LRP1B: variants seen among roughly 807,000 people sequenced by gnomAD.
LRP1B encodes the protein LDL receptor related protein 1B.
A neutral mutation model predicts 556.6 loss-of-function variants in LRP1B; 217 were observed. That is an observed-to-expected ratio of 0.39 (90% CI 0.35 to 0.44). The LOEUF (loss-of-function observed/expected upper bound fraction) is 0.44, where lower values mean the gene tolerates loss of function less well. Among genes scored for constraint, LRP1B ranks in the 20% least tolerant of loss-of-function variants. The pLI, the probability that LRP1B is intolerant of heterozygous loss-of-function variation, is 1.00. For missense variants in LRP1B, 5,053 were observed against 5,620.8 expected, an observed-to-expected ratio of 0.90 and a Z score of 3.23; for synonymous variants, 2,047 against 1,865.8, an observed-to-expected ratio of 1.10 and a Z score of -2.50.
intron 1 of LRP1B, among the ~76,000 whole-genome samples, chr2:141,869,616 C>T (rs915059502): frequency 3.3e-5 from 5 of 152,102 alleles, no homozygotes; most frequent in Non-Finnish European, 5.9e-5. Context: ...TGTTCCAATT[C>T]TCACCCAAAT....
chr2:141,441,692 T>A (rs1467644950), intron 3 of LRP1B, among the ~76,000 whole-genome samples: 1 of 152,162 alleles, frequency 6.6e-6, no homozygotes, highest in Non-Finnish European at 1.5e-5. Flanking sequence ...CATAGAATAA[T>A]TACCCAGGAA....
chr2:141,476,634 C>A (rs16846150), intron 3 of LRP1B, among the ~76,000 whole-genome samples: 9,089 of 152,110 alleles, frequency 0.06, 422 homozygotes, highest in African/African-American at 0.11. Context: ...TATAGAAAAT[C>A]ATTAATAATA....
intron 7 of LRP1B, among the ~76,000 whole-genome samples, chr2:141,169,718 C>G (rs904176812): frequency 1.1e-4 from 16 of 140,228 alleles, no homozygotes; most frequent in Middle Eastern, 3.8e-3. Flanking sequence ...AAGATTTAAA[C>G]ATGGAAATGG....
intron 67 of LRP1B, among the ~76,000 whole-genome samples, chr2:140,380,290 C>T (rs546625876): frequency 9.9e-5 from 15 of 151,992 alleles, no homozygotes; most frequent in African/African-American, 3.6e-4. Context: ...GCTTCCCATA[C>T]AATTGAGGAA....
At chr2:141,299,459 C>G (rs1367323756) in intron 3 of LRP1B, among the ~76,000 whole-genome samples, 1 of 152,064 alleles carries the variant, frequency 6.6e-6, no homozygotes, top group African/African-American at 2.4e-5. Flanking sequence ...AGAACTGGTA[C>G]TTGATATTAA....
rs191220003 is a variant in LRP1B at position 141,337,211 on chromosome 2, A to G, written c.344-82570T>C. On this transcript the variant is annotated intron_variant, in intron 3 of 90. Transcript: ENST00000389484. ...ATCTTTTCCACCATTTGATGTTATC[A>G]GATATTTTTTCTTACCTTAGCAAGC... 1.2e-4 allele frequency among the ~76,000 whole-genome samples: 19 copies of G among 152,310 alleles called. No individual in the cohort carries two copies. The East Asian group carries it at 3.5e-3, about 28-fold the overall frequency.
chr2:140,490,955 T>A lies in LRP1B; in HGVS notation c.9120+1653A>T, dbSNP rs533110085. Among the ~76,000 whole-genome samples, 7 of 152,252 alleles carry A rather than the reference T, an allele frequency of 4.6e-5. No homozygotes were observed. In the South Asian group the frequency reaches 1.5e-3, roughly 32 times the overall value. On this transcript the variant is annotated intron_variant, in intron 57 of 90. Transcript: ENST00000389484. The stretch of plus-strand genomic sequence containing the variant: ...TCATCCCCACTTAGGTACTAATGAC[T>A]GGCAACAGTCTAAAATGATACCACC...
chr2:141,834,563 C>T (rs943322982), intron 1 of LRP1B, among the ~76,000 whole-genome samples: 7 of 151,774 alleles, frequency 4.6e-5, no homozygotes, highest in South Asian at 2.1e-4. Context: ...GGAAAGCTAA[C>T]GAGTTCTGTT....
intron 6 of LRP1B, among the ~76,000 whole-genome samples, chr2:141,197,304 T>C (rs1489558482): frequency 6.6e-6 from 1 of 152,116 alleles, no homozygotes; most frequent in African/African-American, 2.4e-5. Flanking sequence ...CCTACCTTCA[T>C]TGGTGCCTGA....
At chr2:141,365,542 C>T (rs1376725181) in intron 3 of LRP1B, among the ~76,000 whole-genome samples, 1 of 147,764 alleles carries the variant, frequency 6.8e-6, no homozygotes. Flanking sequence ...CATGATCAAT[C>T]TTTAAGAAAG....
At chr2:140,839,647 G>T (rs111812736) in intron 31 of LRP1B, among the ~76,000 whole-genome samples, 7 of 152,170 alleles carry the variant, frequency 4.6e-5, no homozygotes, top group African/African-American at 1.7e-4. Flanking sequence ...TGAAGACTGC[G>T]CTGTCGGCTT....
At chr2:140,433,096 G>C (rs559679111) in intron 66 of LRP1B, among the ~76,000 whole-genome samples, 1 of 152,250 alleles carries the variant, frequency 6.6e-6, no homozygotes, top group Non-Finnish European at 1.5e-5. Flanking sequence ...TGAAACAGAT[G>C]TTATACTTTT....
At chr2:141,700,963 A>G (rs1691920951) in intron 2 of LRP1B, among the ~76,000 whole-genome samples, 1 of 151,786 alleles carries the variant, frequency 6.6e-6, no homozygotes, top group African/African-American at 2.4e-5. Flanking sequence ...TAGGTTTGAG[A>G]TTTTGATATC....
At chr2:140,239,368 C>T (rs1185476573) in intron 88 of LRP1B, 74 bp downstream of exon 88, 4 of 941,618 alleles carry the variant, frequency 4.2e-6, no homozygotes, top group Middle Eastern at 2.3e-4. Flanking sequence ...AAAAAATTAA[C>T]AACAAACATT....
chr2:141,930,654 T>A (rs1406885779), intron 1 of LRP1B, among the ~76,000 whole-genome samples: 5 of 152,068 alleles, frequency 3.3e-5, no homozygotes, highest in African/African-American at 1.2e-4. Context: ...GATTAACTCA[T>A]CTTGCTGGTT....
chr2:141,983,452 AT>A (rs201246389), intron 1 of LRP1B, among the ~76,000 whole-genome samples: 5 of 151,224 alleles, frequency 3.3e-5, no homozygotes, highest in African/African-American at 7.3e-5. Context: ...ATAAAACTAT[AT>A]TTTTTTTTAC....
rs1036847054 is a variant in LRP1B, at chr2:141,111,819, A to C, written c.1014-49546T>G. On this transcript the variant is annotated intron_variant, in intron 7 of 90. Coordinates refer to ENST00000389484, the MANE Select transcript of LRP1B (RefSeq NM_018557.3). ...TAATCCCAGCACTTTGGGAGGCCGA[A>C]GCAGGCGGATCACAAGGAGATCGAG... Among the ~76,000 whole-genome samples the C allele has an allele frequency of 5.9e-5, 9 of 152,088 alleles. 1 individual carries two copies. The highest frequency in any genetic ancestry group is 2.2e-4 in the African/African-American group (9 of 41,502).
intron 37 of LRP1B, among the ~76,000 whole-genome samples, chr2:140,713,149 A>C (rs1472428425): frequency 1.8e-4 from 28 of 151,972 alleles, no homozygotes; most frequent in Admixed American, 1.8e-3. Context: ...TGCTTTACTG[A>C]GTATTTCCTC....
At chr2:140,621,860 T>G (rs1252623287) in intron 41 of LRP1B, among the ~76,000 whole-genome samples, 3 of 152,222 alleles carry the variant, frequency 2.0e-5, no homozygotes, top group Non-Finnish European at 1.5e-5. Context: ...AATACTGTCA[T>G]GCTGATCTTC....
Sources: allele counts gnomAD v4.1 joint callset (sites outside exome capture counted in the v4.1 genomes callset), GRCh38; gene constraint gnomAD v4.1.1; transcripts MANE v1.5; gene names NCBI Gene and HGNC (gene_info 2026-07-23, HGNC 2026-07-21).